The following LRRN2 variants were observed in gnomAD, a reference collection of about 807,000 sequenced individuals.
LRRN2 encodes leucine-rich repeat neuronal protein 2.
LRRN2 carries 10 observed loss-of-function variants against 35.7 expected under a neutral mutation model. That is an observed-to-expected ratio of 0.28 (90% CI 0.17 to 0.47). The LOEUF (loss-of-function observed/expected upper bound fraction) is 0.47, where lower values mean the gene tolerates loss of function less well. Ranked by LOEUF, LRRN2 falls within the 20% of genes least tolerant of loss-of-function variation. The probability of loss-of-function intolerance (pLI) is 0.99; values close to 1 mark genes in which losing one functional copy is unlikely to be tolerated. For synonymous variants in LRRN2, 391 were observed against 409.6 expected, an observed-to-expected ratio of 0.95 and a Z score of 0.55; for missense variants, 731 against 940.3, an observed-to-expected ratio of 0.78 and a Z score of 2.91.
chr1:204,677,149 C>A (rs1374114122), intron 1 of LRRN2, among the ~76,000 whole-genome samples: 1 of 152,122 alleles, frequency 6.6e-6, no homozygotes, highest in Non-Finnish European at 1.5e-5. Context: ...GTTAAGATGC[C>A]CAAGGGCAGG....
At chr1:204,630,096 A>T (rs1333580805) in intron 1 of LRRN2, among the ~76,000 whole-genome samples, 1 of 152,178 alleles carries the variant, frequency 6.6e-6, no homozygotes, top group Non-Finnish European at 1.5e-5. Flanking sequence ...ATAAAATAAA[A>T]ATTGAAATAA....
At chr1:204,625,540 C>A (rs201088505) in intron 1 of LRRN2, among the ~76,000 whole-genome samples, 2 of 152,294 alleles carry the variant, frequency 1.3e-5, no homozygotes, top group East Asian at 1.9e-4. Flanking sequence ...ACAAGTACAA[C>A]CACCACCCAA....
At chr1:204,632,998 C>CA (rs1343579693) in intron 1 of LRRN2, 3 of 152,060 alleles carry the variant, frequency 2.0e-5, no homozygotes. Context: ...ATATATCCCA[C>CA]AAAATCCATG....
Position 204,663,168 on chromosome 1 carries a change from G to A in LRRN2, c.-227+22152C>T, listed in dbSNP as rs79798426. ...ACCAAGGAAGCATCAACTGATACTG[G>A]GCAGAAGGGCAGGGCAGTGGCCCCT... On this transcript the variant is annotated intron_variant, in intron 1 of 1. Transcript: ENST00000367177. Among the ~76,000 whole-genome samples the A allele has an allele frequency of 2.4e-4, 36 of 152,300 alleles. 1 individual carries two copies. In the East Asian group the frequency reaches 6.9e-3, roughly 29 times the overall value.
At chr1:204,668,564 C>A (rs1458802042) in intron 1 of LRRN2, among the ~76,000 whole-genome samples, 1 of 152,156 alleles carries the variant, frequency 6.6e-6, no homozygotes. Context: ...CATTGCACTG[C>A]AGCCTGGGTG....
chr1:204,656,874 G>A (rs1320375899), intron 1 of LRRN2, among the ~76,000 whole-genome samples: 1 of 152,130 alleles, frequency 6.6e-6, no homozygotes, highest in Non-Finnish European at 1.5e-5. Context: ...GCACCTAATG[G>A]ATCCTCGCCA....
chr1:204,661,066 T>C (rs1412639891), intron 1 of LRRN2, among the ~76,000 whole-genome samples: 1 of 152,174 alleles, frequency 6.6e-6, no homozygotes, highest in Non-Finnish European at 1.5e-5. Context: ...GAGTTAGGGC[T>C]AGGTCCTGAA....
intron 1 of LRRN2, among the ~76,000 whole-genome samples, chr1:204,637,395 A>C (rs1298385165): frequency 2.0e-5 from 3 of 152,192 alleles, no homozygotes; most frequent in Non-Finnish European, 4.4e-5. Flanking sequence ...ACAGTGCACC[A>C]GGGGAGAGGG....
intron 1 of LRRN2, among the ~76,000 whole-genome samples, chr1:204,678,570 G>A (rs558807528): frequency 6.6e-6 from 1 of 152,146 alleles, no homozygotes; most frequent in Admixed American, 6.5e-5. Context: ...ACCTCCTCCT[G>A]ACCCTCTGAC....
chr1:204,631,566 A>C (rs1309164120), intron 1 of LRRN2, among the ~76,000 whole-genome samples: 1 of 151,620 alleles, frequency 6.6e-6, no homozygotes, highest in African/African-American at 2.4e-5. Flanking sequence ...GGCACAAGCT[A>C]GGGGAGACAG....
chr1:204,632,326 T>C (rs1030315411), intron 1 of LRRN2, among the ~76,000 whole-genome samples: 3 of 151,854 alleles, frequency 2.0e-5, no homozygotes, highest in South Asian at 4.2e-4. Flanking sequence ...AAATGCACCT[T>C]GCAATTAAAA....
At chr1:204,674,060 C>T (rs1459451003) in intron 1 of LRRN2, among the ~76,000 whole-genome samples, 1 of 152,134 alleles carries the variant, frequency 6.6e-6, no homozygotes, top group Admixed American at 6.5e-5. Flanking sequence ...CCATGCCTGC[C>T]CAAATCTGCC....
intron 1 of LRRN2, among the ~76,000 whole-genome samples, chr1:204,659,080 C>G (rs776694498): frequency 2.9e-4 from 44 of 152,304 alleles, no homozygotes; most frequent in Non-Finnish European, 5.9e-4. Flanking sequence ...AACCTCCTGG[C>G]AAGCTGAGAG....
intron 1 of LRRN2, among the ~76,000 whole-genome samples, chr1:204,655,739 G>A (rs886820857): frequency 6.6e-6 from 1 of 152,136 alleles, no homozygotes; most frequent in Admixed American, 6.5e-5. Flanking sequence ...TGTCCTGAGG[G>A]AGATCTGTAC....
intron 1 of LRRN2, among the ~76,000 whole-genome samples, chr1:204,679,309 C>T (rs1331462949): frequency 6.6e-6 from 1 of 152,232 alleles, no homozygotes; most frequent in African/African-American, 2.4e-5. Context: ...GTCATTCCCC[C>T]TTCTGGGCAT....
chr1:204,675,490 C>T (rs2815826), intron 1 of LRRN2, among the ~76,000 whole-genome samples: 103,045 of 152,094 alleles, frequency 0.68, 36,448 homozygotes, highest in Non-Finnish European at 0.78. Flanking sequence ...TAGAGGCTGC[C>T]CACAGGCCCT....
chr1:204,664,576 TA>T (rs769934385), intron 1 of LRRN2: 2 of 152,200 alleles, frequency 1.3e-5, no homozygotes, highest in Non-Finnish European at 2.9e-5. Flanking sequence ...CTCCTTTGCT[TA>T]CCCTCTCTCC....
chr1:204,620,787 A>G (rs766362234), intron 1 of LRRN2: 7 of 167,118 alleles, frequency 4.2e-5, no homozygotes, highest in Non-Finnish European at 8.8e-5. Flanking sequence ...GGCTGAAATT[A>G]TTGTTATCTT....
At chr1:204,624,361 C>A (rs997147151) in intron 1 of LRRN2, among the ~76,000 whole-genome samples, 1 of 152,196 alleles carries the variant, frequency 6.6e-6, no homozygotes, top group African/African-American at 2.4e-5. Context: ...GCTTTTTGCG[C>A]AGCCAGTGAC....
Sources: allele counts gnomAD v4.1 joint callset (sites outside exome capture counted in the v4.1 genomes callset), GRCh38; gene constraint gnomAD v4.1.1; transcripts MANE v1.5; gene names NCBI Gene and HGNC (gene_info 2026-07-23, HGNC 2026-07-21).